The following INVS variants were observed in gnomAD, a reference collection of about 807,000 sequenced individuals.
The protein encoded by INVS is inversin.
Under a neutral mutation model 108.8 loss-of-function variants are expected in INVS, and 86 were observed. That is an observed-to-expected ratio of 0.79 (90% confidence interval 0.66 to 0.95). The LOEUF is 0.95. Ranked by LOEUF, INVS falls within the 40% of genes least tolerant of loss-of-function variation. The probability of loss-of-function intolerance (pLI) is 0.00; values close to 1 mark genes in which losing one functional copy is unlikely to be tolerated. For synonymous variants in INVS, 455 were observed against 473.5 expected (o/e 0.96, Z 0.51); for missense variants, 1,169 against 1,297.4 (o/e 0.90, Z 1.52).
intron 3 of INVS, among the ~76,000 whole-genome samples, chr9:100,223,102 AT>A (rs936194282): frequency 1.1e-4 from 16 of 147,860 alleles, no homozygotes; most frequent in Admixed American, 2.0e-4. Flanking sequence ...TTTATTTTTA[AT>A]TTTTTTTTTT....
intron 3 of INVS, among the ~76,000 whole-genome samples, chr9:100,199,389 G>T (rs561842549): frequency 1.3e-5 from 2 of 152,024 alleles, no homozygotes; most frequent in South Asian, 2.1e-4. Context: ...TCTTGATATG[G>T]TTGATTTTAA....
chr9:100,105,103 G>A (rs934268045), intron 2 of INVS, among the ~76,000 whole-genome samples: 2 of 152,108 alleles, frequency 1.3e-5, no homozygotes, highest in Non-Finnish European at 2.9e-5. Flanking sequence ...ACAAAGAATA[G>A]CTAAGAATTT....
At chr9:100,100,825 ATG>A (rs1826886541) in intron 1 of INVS, among the ~76,000 whole-genome samples, 3 of 42,704 alleles carry the variant, frequency 7.0e-5, no homozygotes, top group Admixed American at 5.2e-4. Context: ...TATATAATAT[ATG>A]TATATATAAT....
chr9:100,225,974 A>C, intron 3 of INVS, 88 bp from the exon 4 acceptor site: 1 of 893,738 alleles, frequency 1.1e-6, no homozygotes, highest in South Asian at 1.6e-5. Context: ...CTAGGAGAAT[A>C]ATTAACATAC....
intron 8 of INVS, among the ~76,000 whole-genome samples, chr9:100,250,208 A>C (rs1433913195): frequency 6.6e-6 from 1 of 152,190 alleles, no homozygotes; most frequent in Non-Finnish European, 1.5e-5. Flanking sequence ...ATATAACTTT[A>C]TATTATGGAA....
At chr9:100,183,547 C>G (rs753281686) in intron 3 of INVS, among the ~76,000 whole-genome samples, 25 of 152,112 alleles carry the variant, frequency 1.6e-4, no homozygotes, top group Non-Finnish European at 2.8e-4. Flanking sequence ...AATCCCAGCA[C>G]TTTGGGAGAC....
chr9:100,133,834 T>G (rs1184764663), intron 3 of INVS, among the ~76,000 whole-genome samples: 1 of 139,548 alleles, frequency 7.2e-6, no homozygotes, highest in Non-Finnish European at 1.6e-5. Flanking sequence ...CAATTCATGC[T>G]CCCAGCCCCG....
At chr9:100,109,723 T>C (rs1431708648) in intron 2 of INVS, among the ~76,000 whole-genome samples, 1 of 152,228 alleles carries the variant, frequency 6.6e-6, no homozygotes, top group Non-Finnish European at 1.5e-5. Context: ...TGGAGTGCAA[T>C]GGCGTGATCT....
intron 5 of INVS, among the ~76,000 whole-genome samples, chr9:100,230,362 A>G (rs7033350): frequency 0.18 from 26,904 of 151,998 alleles, 3,627 homozygotes; most frequent in African/African-American, 0.38. Flanking sequence ...CCTGATTTCC[A>G]TTACCACATT....
Position 100,264,901 on chromosome 9 carries a change from C to G in INVS, c.1544C>G (p.Pro515Arg), listed in dbSNP as rs1173094879. 6.2e-7 allele frequency: 1 copy of G among 1,611,016 alleles called. No individual in the cohort carries two copies. Among genetic ancestry groups the G allele is most frequent in the Non-Finnish European group, 8.5e-7 (1 of 1,178,112 alleles). Residue 515 changes from proline (P) to arginine (R), a missense_variant, in exon 11 of 17, where the codon CCT becomes CGT. This residue lies in a region of INVS where 271 missense variants were observed against 363.8 expected (regional missense o/e 0.74). Coordinates refer to ENST00000262457, the MANE Select transcript of INVS (RefSeq NM_014425.5). ...IKLLLDFAAFPNQMENNEERY... is the reference protein window; with the variant it reads ...IKLLLDFAAFRNQMENNEERY... ...TTACTGCTAGACTTTGCTGCTTTCCCTAATCAGATGGAAAACAATGAAGAG... is the reference window on the plus strand; with the variant it reads ...TTACTGCTAGACTTTGCTGCTTTCCGTAATCAGATGGAAAACAATGAAGAG...
chr9:100,128,047 A>C (rs1827942438), intron 3 of INVS, among the ~76,000 whole-genome samples: 1 of 152,224 alleles, frequency 6.6e-6, no homozygotes, highest in African/African-American at 2.4e-5. Context: ...GAAGGAACCT[A>C]GCTTAACATC....
At chr9:100,226,921 G>A (rs559953852) in intron 4 of INVS, among the ~76,000 whole-genome samples, 16 of 151,822 alleles carry the variant, frequency 1.1e-4, no homozygotes, top group African/African-American at 3.6e-4. Flanking sequence ...ATGGCCAAAT[G>A]CCCATGGCAA....
chr9:100,111,753 G>A (rs1158628730), intron 2 of INVS, among the ~76,000 whole-genome samples: 1 of 149,230 alleles, frequency 6.7e-6, no homozygotes, highest in Non-Finnish European at 1.5e-5. Flanking sequence ...GGTGTAGATT[G>A]GACAAGTATT....
chr9:100,221,000 C>A (rs78129739), intron 3 of INVS, among the ~76,000 whole-genome samples: 73 of 151,626 alleles, frequency 4.8e-4, no homozygotes, highest in Non-Finnish European at 6.2e-4. Context: ...AGATTAACTT[C>A]CAAATCCTCC....
At position 100,100,797 on chromosome 9, in the gene INVS, A is replaced by ATATATAAT. The variant is rs1564111794; in HGVS notation, c.-25+1386_-25+1387insAATTATAT. On this transcript the variant is annotated intron_variant, in intron 1 of 16. Transcript: ENST00000262457. ...ATATATAATATATATTATATATATA[A>ATATATAAT]TATATGTATATATAATATATATAAT... Among the ~76,000 whole-genome samples the ATATATAAT allele has an allele frequency of 2.4e-3, 17 of 7,222 alleles. 6 individuals carry two copies. The African/African-American group carries it at 0.029, about 12-fold the overall frequency. 4.7% of individuals were successfully genotyped at this position (7,222 alleles called of 152,430 possible).
intron 4 of INVS, among the ~76,000 whole-genome samples, chr9:100,227,011 A>G (rs1399268839): frequency 6.6e-6 from 1 of 151,982 alleles, no homozygotes; most frequent in Admixed American, 6.6e-5. Context: ...CCACTACTTA[A>G]CTTGTTCTGT....
chr9:100,139,571 A>T (rs1229651486), intron 3 of INVS, among the ~76,000 whole-genome samples: 1 of 152,200 alleles, frequency 6.6e-6, no homozygotes, highest in African/African-American at 2.4e-5. Flanking sequence ...TTACCTTTTA[A>T]CCTGTAATCA....
In INVS at chr9:100,272,873, C is replaced by G; in HGVS notation, c.1581C>G (p.Pro527=). The G allele has an allele frequency of 6.8e-6, 11 of 1,613,922 alleles. No homozygotes were observed. Among genetic ancestry groups the G allele is most frequent in the African/African-American group, 1.3e-5 (1 of 75,008 alleles). Residue 527 remains proline, a synonymous_variant, in exon 12 of 17, where the codon CCC becomes CCG. Coordinates refer to ENST00000262457, the MANE Select transcript of INVS (RefSeq NM_014425.5). ...QMENNEERYT[P]LDYALLGERH... ...CTTCCTCCCACTTCAGATACACACC[C>G]CTTGATTATGCTTTGCTTGGTGAGC...
At chr9:100,236,432 G>A (rs1362636411) in intron 5 of INVS, among the ~76,000 whole-genome samples, 4 of 152,134 alleles carry the variant, frequency 2.6e-5, no homozygotes, top group Non-Finnish European at 2.9e-5. Flanking sequence ...GAGGAGAAGA[G>A]GCATTCTGGT....
Sources: allele counts gnomAD v4.1 joint callset (sites outside exome capture counted in the v4.1 genomes callset), GRCh38; gene constraint gnomAD v4.1.1; regional missense constraint gnomAD v4.1.1; transcripts MANE v1.5; gene names NCBI Gene and HGNC (gene_info 2026-07-23, HGNC 2026-07-21).